DLG2: variants seen among roughly 807,000 people sequenced by gnomAD.
DLG2 encodes discs large MAGUK scaffold protein 2, also known as disks large homolog 2.
DLG2 carries 45 observed loss-of-function variants against 132.5 expected under a neutral mutation model. The ratio of observed to expected loss-of-function variants is 0.34; its 90% CI spans 0.27 to 0.44. The LOEUF is 0.44. Ranked by LOEUF, DLG2 falls within the 20% of genes least tolerant of loss-of-function variation. The pLI, the probability that DLG2 is intolerant of heterozygous loss-of-function variation, is 1.00. For synonymous variants in DLG2, 424 were observed against 419.6 expected, an observed-to-expected ratio of 1.01 and a Z score of -0.13; for missense variants, 1,045 against 1,196.9, an observed-to-expected ratio of 0.87 and a Z score of 1.87.
At chr11:85,108,707 A>G (rs2072219834) in intron 6 of DLG2, among the ~76,000 whole-genome samples, 1 of 152,098 alleles carries the variant, frequency 6.6e-6, no homozygotes, top group Non-Finnish European at 1.5e-5. Context: ...ACTACTACTT[A>G]TTACACTAGC....
intron 6 of DLG2, among the ~76,000 whole-genome samples, chr11:85,013,013 C>T (rs2059280961): frequency 6.6e-6 from 1 of 152,140 alleles, no homozygotes; most frequent in South Asian, 2.1e-4. Context: ...TAAATATCTT[C>T]TCATTTTCAG....
intron 6 of DLG2, among the ~76,000 whole-genome samples, chr11:84,796,826 ATTTTT>A (rs1241081941): frequency 6.8e-6 from 1 of 147,676 alleles, no homozygotes; most frequent in East Asian, 1.9e-4. Flanking sequence ...ATGATTTTTT[ATTTTT>A]TATTATATTT....
chr11:84,055,176 C>T (rs986686434), intron 11 of DLG2, among the ~76,000 whole-genome samples: 25 of 151,912 alleles, frequency 1.6e-4, no homozygotes, highest in Non-Finnish European at 3.1e-4. Context: ...TCATAATCTT[C>T]CCTACCTCAC....
chr11:85,625,482 C>T (rs1032935130), intron 2 of DLG2, among the ~76,000 whole-genome samples: 2 of 152,154 alleles, frequency 1.3e-5, no homozygotes, highest in Admixed American at 6.5e-5. Flanking sequence ...GTGCAAATAT[C>T]ACAGTTCTAG....
chr11:83,771,829 G>A (rs551436465), intron 18 of DLG2, among the ~76,000 whole-genome samples: 15 of 152,224 alleles, frequency 9.9e-5, no homozygotes, highest in South Asian at 2.1e-4. Flanking sequence ...GTATTTACGC[G>A]TTGACTATTG....
chr11:85,441,402 T>C (rs917076965), intron 3 of DLG2, among the ~76,000 whole-genome samples: 4 of 152,178 alleles, frequency 2.6e-5, no homozygotes, highest in Non-Finnish European at 4.4e-5. Context: ...CTCCAGTATA[T>C]TTCCTATGTG....
chr11:83,944,365 C>T (rs1037763879), intron 14 of DLG2, among the ~76,000 whole-genome samples: 8 of 152,178 alleles, frequency 5.3e-5, no homozygotes, highest in African/African-American at 1.7e-4. Flanking sequence ...TTCTTGTACA[C>T]TGTTGGCCAA....
intron 3 of DLG2, among the ~76,000 whole-genome samples, chr11:85,590,299 A>C (rs1037502850): frequency 2.6e-5 from 4 of 152,218 alleles, no homozygotes; most frequent in Admixed American, 1.3e-4. Context: ...GCTGAGGGAG[A>C]GCAACATGTA....
intron 6 of DLG2, among the ~76,000 whole-genome samples, chr11:84,567,055 C>G (rs2099459330): frequency 6.6e-6 from 1 of 152,110 alleles, no homozygotes; most frequent in Non-Finnish European, 1.5e-5. Flanking sequence ...TGACACATTT[C>G]CAGTGGTATG....
chr11:83,704,827 AAAAAT>A (rs1353322424), intron 18 of DLG2, among the ~76,000 whole-genome samples: 2 of 152,140 alleles, frequency 1.3e-5, no homozygotes, highest in African/African-American at 4.8e-5. Context: ...ACTCCATCTC[AAAAAT>A]AAAATAAAGA....
chr11:84,064,477 C>T (rs1354150205), intron 10 of DLG2, among the ~76,000 whole-genome samples: 1 of 152,178 alleles, frequency 6.6e-6, no homozygotes, highest in African/African-American at 2.4e-5. Flanking sequence ...AACTTGGGAG[C>T]TCTGTGACTA....
intron 14 of DLG2, among the ~76,000 whole-genome samples, chr11:83,936,043 A>G (rs911594741): frequency 1.3e-5 from 2 of 152,168 alleles, no homozygotes; most frequent in Admixed American, 1.3e-4. Context: ...TATCACTCTT[A>G]GACACTCGAG....
intron 14 of DLG2, among the ~76,000 whole-genome samples, chr11:83,931,656 T>C (rs1343587070): frequency 1.3e-5 from 2 of 152,240 alleles, no homozygotes; most frequent in East Asian, 3.8e-4. Flanking sequence ...TTCAAGCCAA[T>C]GAAAATGAGA....
rs749483521 is a variant in DLG2, at chr11:83,962,975, G to T, written c.1250C>A (p.Thr417Asn). The change falls in exon 14 of 28, where the codon ACT (threonine) becomes AAT (asparagine). Residue 417 changes from threonine (T) to asparagine (N), a missense_variant. By Grantham distance (65) the Thr-to-Asn change is moderately conservative (BLOSUM62 0). This residue lies in a region of DLG2 where 261 missense variants were observed against 256.1 expected (regional missense o/e 1.02). Coordinates refer to ENST00000376104, the MANE Select transcript of DLG2 (RefSeq NM_001142699.3). ...ENHLLSGNNG[T>N]LEYKTSLPPI... ...TGGCAGGGAGGTTTTATATTCTAAA[G>T]TGCCATTGTTGCCAGAGAGTAGATG... 1 of 1,613,174 alleles carries T rather than the reference G, an allele frequency of 6.2e-7. No individual in the cohort carries two copies. Among genetic ancestry groups the T allele is most frequent in the Non-Finnish European group, 8.5e-7 (1 of 1,179,226 alleles).
intron 6 of DLG2, among the ~76,000 whole-genome samples, chr11:84,866,094 T>C (rs1431334139): frequency 2.0e-5 from 3 of 152,188 alleles, no homozygotes; most frequent in Non-Finnish European, 4.4e-5. Flanking sequence ...CAGTTTCCTA[T>C]AGAGGTTGTA....
chr11:83,977,772 G>T (rs1592217993), intron 12 of DLG2, among the ~76,000 whole-genome samples: 2 of 152,014 alleles, frequency 1.3e-5, no homozygotes, highest in South Asian at 4.1e-4. Flanking sequence ...ACCCTAACTC[G>T]ACTGTCACTC....
At chr11:84,145,617 G>T (rs1285588576) in intron 9 of DLG2, among the ~76,000 whole-genome samples, 2 of 152,172 alleles carry the variant, frequency 1.3e-5, no homozygotes, top group Non-Finnish European at 2.9e-5. Flanking sequence ...GGGTAATATT[G>T]TAACAAGTGA....
intron 6 of DLG2, among the ~76,000 whole-genome samples, chr11:84,711,465 G>C (rs1351787538): frequency 8.2e-6 from 1 of 122,424 alleles, no homozygotes; most frequent in Non-Finnish European, 1.6e-5. Context: ...CGGAGGTTTT[G>C]TCCCAAGGTC....
At chr11:84,608,501 CA>C (rs1325642889) in intron 6 of DLG2, among the ~76,000 whole-genome samples, 5 of 152,082 alleles carry the variant, frequency 3.3e-5, no homozygotes, top group African/African-American at 4.8e-5. Context: ...TTAACATAAG[CA>C]AAAGGTTACT....
Sources: allele counts gnomAD v4.1 joint callset (sites outside exome capture counted in the v4.1 genomes callset), GRCh38; gene constraint gnomAD v4.1.1; regional missense constraint gnomAD v4.1.1; transcripts MANE v1.5; gene names NCBI Gene and HGNC (gene_info 2026-07-23, HGNC 2026-07-21).